UBE2Q2: variants seen among roughly 807,000 people sequenced by gnomAD.
The protein encoded by UBE2Q2 is ubiquitin conjugating enzyme E2 Q2.
In UBE2Q2, 54 loss-of-function variants were observed where a neutral mutation model predicts 59.9. The ratio of observed to expected loss-of-function variants is 0.90; its 90% CI spans 0.72 to 1.13. The LOEUF (loss-of-function observed/expected upper bound fraction) is 1.13. UBE2Q2 is among the 50% of genes most tolerant of loss of function. The pLI, the probability that UBE2Q2 is intolerant of heterozygous loss-of-function variation, is 0.00. For missense variants in UBE2Q2, 433 were observed against 441.9 expected, an observed-to-expected ratio of 0.98 and a Z score of 0.18; for synonymous variants, 165 against 155.2, an observed-to-expected ratio of 1.06 and a Z score of -0.47.
chr15:75,889,590 G>T (rs1485319548), intron 9 of UBE2Q2, among the ~76,000 whole-genome samples: 1 of 152,160 alleles, frequency 6.6e-6, no homozygotes, highest in Non-Finnish European at 1.5e-5. Flanking sequence ...TCAAGCAAGG[G>T]AAAGGCATGG....
chr15:75,847,496 GCT>G (rs538741130), intron 1 of UBE2Q2, among the ~76,000 whole-genome samples: 120 of 152,248 alleles, frequency 7.9e-4, no homozygotes, highest in Non-Finnish European at 1.1e-3. Flanking sequence ...GGAAAAGAGT[GCT>G]CTTTTTCAAC....
At chr15:75,881,392 A>G (rs1390513636) in intron 8 of UBE2Q2, among the ~76,000 whole-genome samples, 1 of 152,130 alleles carries the variant, frequency 6.6e-6, no homozygotes, top group Non-Finnish European at 1.5e-5. Flanking sequence ...TGCTCTAGGT[A>G]GAACTTCAGG....
At chr15:75,878,729 G>A (rs1898224766) in intron 7 of UBE2Q2, among the ~76,000 whole-genome samples, 1 of 151,526 alleles carries the variant, frequency 6.6e-6, no homozygotes, top group Non-Finnish European at 1.5e-5. Context: ...TCTGACCATG[G>A]CAAACTTTTC....
rs559356748 is a variant in UBE2Q2, at chr15:75,892,711, C to A, written c.1029+1697C>A. ...CTCGTCTACACAAAAAATACGCCCCCCACCCTAAAAAAACAATTAGCTGGG... is the reference window on the plus strand; with the variant it reads ...CTCGTCTACACAAAAAATACGCCCCACACCCTAAAAAAACAATTAGCTGGG... On this transcript the variant is annotated intron_variant, in intron 11 of 12. Coordinates refer to ENST00000267938, the MANE Select transcript of UBE2Q2 (RefSeq NM_173469.4). Among the ~76,000 whole-genome samples, 475 of 151,952 alleles carry A rather than the reference C, an allele frequency of 3.1e-3. 19 individuals are homozygous for A. The East Asian group carries it at 0.088, about 28-fold the overall frequency.
chr15:75,847,400 G>T (rs138064160), intron 1 of UBE2Q2, among the ~76,000 whole-genome samples: 3 of 152,262 alleles, frequency 2.0e-5, no homozygotes, highest in African/African-American at 7.2e-5. Context: ...GACCAAAACA[G>T]AGTAGATGTT....
At chr15:75,896,589 T>C (rs1899435855) in intron 11 of UBE2Q2, among the ~76,000 whole-genome samples, 1 of 152,252 alleles carries the variant, frequency 6.6e-6, no homozygotes, top group Non-Finnish European at 1.5e-5. Flanking sequence ...CTTAATATTT[T>C]CTTATCTGAA....
chr15:75,899,105 CAAAAAA>C (rs34292081), intron 12 of UBE2Q2, among the ~76,000 whole-genome samples: 6 of 111,110 alleles, frequency 5.4e-5, no homozygotes, highest in Non-Finnish European at 7.3e-5. Context: ...TACTAAATAC[CAAAAAA>C]AAAAAAAAAA....
At chr15:75,849,926 T>C (rs1896545713) in intron 1 of UBE2Q2, among the ~76,000 whole-genome samples, 1 of 152,236 alleles carries the variant, frequency 6.6e-6, no homozygotes, top group South Asian at 2.1e-4. Flanking sequence ...ATAGGTCATA[T>C]TTATTTTAAA....
At chr15:75,856,246 CGTGTGT>C (rs370925975) in intron 2 of UBE2Q2, among the ~76,000 whole-genome samples, 4 of 135,716 alleles carry the variant, frequency 2.9e-5, no homozygotes, top group Non-Finnish European at 6.2e-5. Flanking sequence ...TGTGTATATA[CGTGTGT>C]GTGTGTGTGT....
chr15:75,870,874 C>G lies in UBE2Q2; in HGVS notation c.447+1864C>G, dbSNP rs1464144400. ...TTATTTGAAGGGGTGGGTTGCCCCT[C>G]CACACCTGTGGGTGTTTCTCGTTAG... On this transcript the variant is annotated intron_variant, in intron 4 of 12. Transcript: ENST00000267938. Among the ~76,000 whole-genome samples the G allele has an allele frequency of 3.3e-5, 5 of 152,134 alleles. No individual in the cohort carries two copies. In the East Asian group the frequency reaches 9.6e-4, roughly 29 times the overall value.
intron 1 of UBE2Q2, chr15:75,844,092 A>T (rs1896179281): frequency 7.1e-7 from 1 of 1,415,098 alleles, no homozygotes. Flanking sequence ...CTTCTGGCCC[A>T]TCTCGGTCCC....
intron 9 of UBE2Q2, among the ~76,000 whole-genome samples, chr15:75,885,180 C>T (rs971382255): frequency 8.6e-5 from 13 of 152,014 alleles, no homozygotes; most frequent in Admixed American, 7.2e-4. Context: ...AATGCAGTGG[C>T]GTGATCTCAG....
intron 9 of UBE2Q2, among the ~76,000 whole-genome samples, chr15:75,890,011 T>A (rs1158009343): frequency 6.6e-6 from 1 of 152,152 alleles, no homozygotes; most frequent in South Asian, 2.1e-4. Context: ...CAGATCTTCA[T>A]AGCATGGATA....
At chr15:75,862,978 C>T (rs1897273988) in intron 3 of UBE2Q2, among the ~76,000 whole-genome samples, 1 of 152,150 alleles carries the variant, frequency 6.6e-6, no homozygotes, top group South Asian at 2.1e-4. Context: ...TGGAACTACT[C>T]CATTCCTCTG....
At chr15:75,847,850 T>C (rs1251872362) in intron 1 of UBE2Q2, among the ~76,000 whole-genome samples, 4 of 152,190 alleles carry the variant, frequency 2.6e-5, no homozygotes, top group Non-Finnish European at 5.9e-5. Flanking sequence ...ACTTCATTTT[T>C]TATATTACTT....
chr15:75,844,646 C>T (rs1244045582), intron 1 of UBE2Q2: 1 of 709,182 alleles, frequency 1.4e-6, no homozygotes, highest in East Asian at 2.9e-5. Context: ...GCGGAAATCT[C>T]ATTAGAAACC....
At chr15:75,885,183 G>C (rs977435763) in intron 9 of UBE2Q2, among the ~76,000 whole-genome samples, 5 of 151,910 alleles carry the variant, frequency 3.3e-5, no homozygotes, top group Non-Finnish European at 7.4e-5. Context: ...GCAGTGGCGT[G>C]ATCTCAGCTC....
At chr15:75,855,780 T>C (rs1896871466) in intron 2 of UBE2Q2, among the ~76,000 whole-genome samples, 2 of 152,208 alleles carry the variant, frequency 1.3e-5, no homozygotes, top group African/African-American at 2.4e-5. Flanking sequence ...ACGACTTTTA[T>C]CAAGAACATG....
At chr15:75,898,266 C>G (rs1050919984) in intron 12 of UBE2Q2, among the ~76,000 whole-genome samples, 1 of 152,018 alleles carries the variant, frequency 6.6e-6, no homozygotes, top group South Asian at 2.1e-4. Flanking sequence ...ATAGAAAATG[C>G]TGTATTTGAG....
Sources: allele counts gnomAD v4.1 joint callset (sites outside exome capture counted in the v4.1 genomes callset), GRCh38; gene constraint gnomAD v4.1.1; transcripts MANE v1.5; gene names NCBI Gene and HGNC (gene_info 2026-07-23, HGNC 2026-07-21).